The following USP31 variants were observed in gnomAD, a reference collection of about 807,000 sequenced individuals.
The protein encoded by USP31 is ubiquitin specific peptidase 31, also known as ubiquitin carboxyl-terminal hydrolase 31.
Under a neutral mutation model 119.4 loss-of-function variants are expected in USP31, and 44 were observed. The ratio of observed to expected loss-of-function variants is 0.37; its 90% CI spans 0.29 to 0.47. The LOEUF (loss-of-function observed/expected upper bound fraction) is 0.47. Among genes scored for constraint, USP31 ranks in the 20% least tolerant of loss-of-function variants. USP31 has a pLI of 0.99. For synonymous variants in USP31, 749 were observed against 705.6 expected, an observed-to-expected ratio of 1.06 and a Z score of -0.97; for missense variants, 1,643 against 1,730.2, an observed-to-expected ratio of 0.95 and a Z score of 0.89.
At chr16:23,081,501 C>T (rs1273488044) in intron 12 of USP31, among the ~76,000 whole-genome samples, 1 of 152,250 alleles carries the variant, frequency 6.6e-6, no homozygotes, top group Non-Finnish European at 1.5e-5. Flanking sequence ...CCTATCCCAT[C>T]TACTAGCAGC....
chr16:23,110,924 C>T (rs891169534), intron 1 of USP31, among the ~76,000 whole-genome samples: 33 of 151,976 alleles, frequency 2.2e-4, no homozygotes, highest in African/African-American at 7.3e-4. Context: ...GTCAGGAGAT[C>T]GAGACCATCC....
rs1900054088 is a variant in USP31, at chr16:23,066,048, T to C, written c.*1998A>G. 1 of 152,224 alleles carries C rather than the reference T, an allele frequency of 6.6e-6. No homozygotes were observed. The highest frequency in any genetic ancestry group is 1.5e-5 in the Non-Finnish European group (1 of 68,040). The allele number at this position is 152,224 out of a possible 1,614,324, so 9.4% of individuals were successfully genotyped here. A position where few individuals can be genotyped will look rare whatever the true frequency, so the allele number is the denominator to read the frequency against. On this transcript the variant is annotated 3_prime_UTR_variant, in exon 16 of 16. Transcript: ENST00000219689. ...CTGATGGGGCTGTGATGTGCTGGGC[T>C]GAACGCAATGACAGCATCGAAGGCA... is the stretch of plus-strand genomic sequence containing the variant.
chr16:23,074,917 GAGTGCTAGAATATTT>G (rs1900498342), intron 13 of USP31, among the ~76,000 whole-genome samples: 2 of 152,120 alleles, frequency 1.3e-5, no homozygotes, highest in South Asian at 4.1e-4. Context: ...GAGAATAAAC[GAGTGCTAGAATATTT>G]AGCTGAATGC....
At chr16:23,075,531 C>A (rs1424518810) in intron 13 of USP31, among the ~76,000 whole-genome samples, 1 of 152,102 alleles carries the variant, frequency 6.6e-6, no homozygotes, top group Non-Finnish European at 1.5e-5. Context: ...CACGGACTGA[C>A]ACGAGCCCAC....
Position 23,062,578 on chromosome 16 carries a change from C to T in USP31, c.*5468G>A, listed in dbSNP as rs975504151. The T allele has an allele frequency of 6.6e-6, 1 of 152,614 alleles. No individual in the cohort carries two copies. The highest frequency in any genetic ancestry group is 1.5e-5 in the Non-Finnish European group (1 of 68,022). 9.5% of individuals were successfully genotyped at this position (152,614 alleles called of 1,614,324 possible). A position where few individuals can be genotyped will look rare whatever the true frequency, so the allele number is the denominator to read the frequency against. ...AAAAGCAGGGACAGGCTTTCCAAGG[C>T]TAGGAAGGTTGTTTCTTTTCTTCTT... On this transcript the variant is annotated 3_prime_UTR_variant, in exon 16 of 16. Coordinates refer to ENST00000219689, the MANE Select transcript of USP31 (RefSeq NM_020718.4).
Position 23,087,043 on chromosome 16 carries a change from G to C in USP31, c.1622+49C>G, listed in dbSNP as rs542008996. 24 of 1,353,616 alleles carry C rather than the reference G, an allele frequency of 1.8e-5. No homozygotes were observed. In the East Asian group the frequency reaches 4.4e-4, roughly 25 times the overall value. The allele number at this position is 1,353,616 out of a possible 1,614,324, so 83.9% of individuals were successfully genotyped here. ...TAAGACATCACTTGAAATCACACATGAATATGTGTGAGATTCTAAAAGGTA... is the reference window on the plus strand; with the variant it reads ...TAAGACATCACTTGAAATCACACATCAATATGTGTGAGATTCTAAAAGGTA... On this transcript the variant is annotated intron_variant, in intron 9 of 15. Coordinates refer to ENST00000219689, the MANE Select transcript of USP31 (RefSeq NM_020718.4).
intron 6 of USP31, among the ~76,000 whole-genome samples, chr16:23,101,297 C>T (rs1901844939): frequency 6.6e-6 from 1 of 152,054 alleles, no homozygotes; most frequent in Non-Finnish European, 1.5e-5. Context: ...AGCTTGGATC[C>T]AGTTTGAGTG....
At position 23,072,046 on chromosome 16, in the gene USP31, A is replaced by G. The variant is rs775102392; in HGVS notation, c.2487T>C (p.Asp829=). 69 of 1,609,704 alleles carry G rather than the reference A, an allele frequency of 4.3e-5. No homozygotes were observed. Among genetic ancestry groups the G allele is most frequent in the Non-Finnish European group, 5.7e-5 (67 of 1,176,982 alleles). The change falls in exon 15 of 16, where the codon GAT becomes GAC. Residue 829 remains aspartate (D), a splice_region_variant and synonymous_variant. Transcript: ENST00000219689. ...TTTGTCACCAAAACCCACACCCACC[A>G]TCATCTTCACTCCTTTCTCCAGTCA... The part of the protein sequence containing the change: ...VEMTGERSED[D]GGFSTRPFVR...
Position 23,079,939 on chromosome 16 carries a change from T to G in USP31, c.2176+7A>C. ...AGCACAGACACGCAGCCTCTCACAC[T>G]GCAGACCTGTGTAGTGCCCCCCTTG... is the stretch of plus-strand genomic sequence containing the variant. On this transcript the variant is annotated splice_region_variant and intron_variant, in intron 13 of 15. Transcript: ENST00000219689. 6.2e-7 allele frequency: 1 copy of G among 1,603,524 alleles called. No individual in the cohort carries two copies. Among genetic ancestry groups the G allele is most frequent in the Non-Finnish European group, 8.5e-7 (1 of 1,175,372 alleles).
intron 1 of USP31, among the ~76,000 whole-genome samples, chr16:23,121,593 G>A (rs1474697476): frequency 3.9e-5 from 6 of 152,080 alleles, no homozygotes; most frequent in African/African-American, 1.2e-4. Context: ...ATCAAAATAC[G>A]GCAATTCCCT....
At chr16:23,072,023 T>G in intron 15 of USP31, 22 bp downstream of exon 15, 1 of 1,598,056 alleles carries the variant, frequency 6.3e-7, no homozygotes, top group South Asian at 1.1e-5. Flanking sequence ...TCTGGAAATT[T>G]GTCACCAAAA....
Position 23,087,759 on chromosome 16 carries a change from T to A in USP31, c.1492A>T (p.Met498Leu), listed in dbSNP as rs1011988937. 6.2e-6 allele frequency: 10 copies of A among 1,614,148 alleles called. No individual in the cohort carries two copies. Among genetic ancestry groups the A allele is most frequent in the African/African-American group, 2.7e-5 (2 of 75,072 alleles). ...ACCGTGGGCCTCAAGAAATACTTCATCTTCTCCAAGATTTCCTTCTGCAGA... is the reference window on the plus strand; with the variant it reads ...ACCGTGGGCCTCAAGAAATACTTCAACTTCTCCAAGATTTCCTTCTGCAGA... The part of the protein sequence containing the change: ...DLLQKEILEK[M>L]KYFLRPTVCI... The change falls in exon 8 of 16, where the codon ATG becomes TTG. Residue 498 changes from methionine (M) to leucine (L), a missense_variant. Transcript: ENST00000219689.
intron 6 of USP31, among the ~76,000 whole-genome samples, chr16:23,101,002 C>A (rs1901828952): frequency 6.6e-6 from 1 of 152,134 alleles, no homozygotes; most frequent in South Asian, 2.1e-4. Context: ...AGGACCAAAT[C>A]ATGGCAGGGG....
At chr16:23,136,361 T>C (rs906014765) in intron 1 of USP31, among the ~76,000 whole-genome samples, 2 of 152,028 alleles carry the variant, frequency 1.3e-5, no homozygotes, top group Non-Finnish European at 2.9e-5. Flanking sequence ...GTCATCAAAA[T>C]TAAAAACTTG....
intron 7 of USP31, among the ~76,000 whole-genome samples, chr16:23,089,920 G>C (rs1447325841): frequency 6.6e-6 from 1 of 152,114 alleles, no homozygotes; most frequent in Non-Finnish European, 1.5e-5. Context: ...TGGGACATAA[G>C]ACATAAGTTC....
intron 1 of USP31, among the ~76,000 whole-genome samples, chr16:23,133,267 C>G (rs1903084022): frequency 6.6e-6 from 1 of 152,160 alleles, no homozygotes; most frequent in Non-Finnish European, 1.5e-5. Flanking sequence ...AAGCCCACGA[C>G]AGAACTGGCC....
chr16:23,084,623 G>T (rs560984014), intron 11 of USP31, among the ~76,000 whole-genome samples: 3 of 152,176 alleles, frequency 2.0e-5, no homozygotes, highest in African/African-American at 7.2e-5. Context: ...CCATTAAAAA[G>T]AACTATGAAG....
At position 23,149,060 on chromosome 16, in the gene USP31, T is replaced by C. The variant is rs1186265067; in HGVS notation, c.211A>G (p.Thr71Ala). The C allele has an allele frequency of 1.6e-6, 2 of 1,260,206 alleles. No individual in the cohort carries two copies. The highest frequency in any genetic ancestry group is 2.0e-6 in the Non-Finnish European group (2 of 978,118). The allele number at this position is 1,260,206 out of a possible 1,614,324, so 78.1% of individuals were successfully genotyped here. A position where few individuals can be genotyped will look rare whatever the true frequency, so the allele number is the denominator to read the frequency against. Residue 71 changes from threonine to alanine, a missense_variant, in exon 1 of 16, where the codon ACG becomes GCG. Around this residue, in one of 5 missense-constraint regions of USP31, gnomAD observed 302 missense variants for 262.6 expected, o/e 1.15. Coordinates refer to ENST00000219689, the MANE Select transcript of USP31 (RefSeq NM_020718.4). ...CTAAGGTGCGAGAGCGTGGACAGCG[T>C]CTTGAGAACGCGGCTCATGAAGCTG... is the stretch of plus-strand genomic sequence containing the variant. ...VGSFMSRVLK[T>A]LSTLSHLSSE...
chr16:23,073,755 T>C lies in USP31; in HGVS notation c.2302A>G (p.Ile768Val), dbSNP rs775437879. 6.2e-7 allele frequency: 1 copy of C among 1,613,252 alleles called. No individual in the cohort carries two copies. Among genetic ancestry groups the C allele is most frequent in the Non-Finnish European group, 8.5e-7 (1 of 1,179,922 alleles). The change falls in exon 14 of 16, where the codon ATC becomes GTC. Residue 768 changes from isoleucine to valine, a missense_variant. Transcript: ENST00000219689. ...YILFYQRRTA[I>V]PSWSANSSVA... ...GAGCTGTTGGCTGACCATGACGGGA[T>C]GGCTGTCCGCCTCTGGTAGAAGAGG... is the stretch of plus-strand genomic sequence containing the variant.
Sources: allele counts gnomAD v4.1 joint callset (sites outside exome capture counted in the v4.1 genomes callset), GRCh38; gene constraint gnomAD v4.1.1; regional missense constraint gnomAD v4.1.1; transcripts MANE v1.5; gene names NCBI Gene and HGNC (gene_info 2026-07-23, HGNC 2026-07-21).